Variants in TSGA10 observed in about 807,000 individuals in gnomAD.
TSGA10 encodes testis-specific gene 10 protein.
A neutral mutation model predicts 96.6 loss-of-function variants in TSGA10; 43 were observed. The ratio of observed to expected loss-of-function variants is 0.44; its 90% CI spans 0.35 to 0.57. The LOEUF (loss-of-function observed/expected upper bound fraction) is 0.57, where lower values mean the gene tolerates loss of function less well. Ranked by LOEUF, TSGA10 falls within the 20% of genes least tolerant of loss-of-function variation. TSGA10 has a pLI of 0.01. For synonymous variants in TSGA10, 229 were observed against 269.9 expected, an observed-to-expected ratio of 0.85 and a Z score of 1.48; for missense variants, 703 against 834.4, an observed-to-expected ratio of 0.84 and a Z score of 1.94.
chr2:99,022,685 C>T (rs1200246441), intron 17 of TSGA10, among the ~76,000 whole-genome samples: 2 of 152,102 alleles, frequency 1.3e-5, no homozygotes, highest in Admixed American at 1.3e-4. Flanking sequence ...GACATGTTTT[C>T]ATTCCTCTTG....
Position 99,118,668 on chromosome 2 carries a change from C to G in TSGA10, c.-473G>C, listed in dbSNP as rs950312990. ...GGATGAAGAAAAGGGCCTTTTCTAT[C>G]ACAAAGGTATCCAAATGCCTTTAAA... is the stretch of plus-strand genomic sequence containing the variant. On this transcript the variant is annotated 5_prime_UTR_variant, in exon 3 of 21. Coordinates refer to ENST00000393483, the MANE Select transcript of TSGA10 (RefSeq NM_025244.4). 5 of 984,374 alleles carry G rather than the reference C, an allele frequency of 5.1e-6. No individual in the cohort carries two copies. The African/African-American group carries it at 8.8e-5, about 17-fold the overall frequency. The allele number at this position is 984,374 out of a possible 1,614,324, so 61.0% of individuals were successfully genotyped here. A position where few individuals can be genotyped will look rare whatever the true frequency, so the allele number is the denominator to read the frequency against.
chr2:99,091,349 C>A, intron 10 of TSGA10, among the ~76,000 whole-genome samples: 1 of 152,134 alleles, frequency 6.6e-6, no homozygotes, highest in Non-Finnish European at 1.5e-5. Flanking sequence ...ACCTATAAAA[C>A]AACACAGTAA....
chr2:99,106,613 T>C (rs2091366596), intron 7 of TSGA10, among the ~76,000 whole-genome samples: 1 of 152,076 alleles, frequency 6.6e-6, no homozygotes, highest in Non-Finnish European at 1.5e-5. Flanking sequence ...ATCCATTCTA[T>C]CACCCCAGAA....
chr2:99,123,549 T>G (rs551150093), intron 2 of TSGA10, among the ~76,000 whole-genome samples: 1 of 152,312 alleles, frequency 6.6e-6, no homozygotes, highest in African/African-American at 2.4e-5. Context: ...TATACATAAT[T>G]TTCATTTTAA....
intron 16 of TSGA10, among the ~76,000 whole-genome samples, chr2:99,050,706 A>G (rs1284637902): frequency 6.6e-6 from 1 of 152,148 alleles, no homozygotes; most frequent in Non-Finnish European, 1.5e-5. Context: ...TTTATTAGAT[A>G]ATATACACTT....
intron 16 of TSGA10, among the ~76,000 whole-genome samples, chr2:99,059,878 C>A (rs1384148454): frequency 6.9e-6 from 1 of 145,656 alleles, no homozygotes; most frequent in African/African-American, 2.6e-5. Flanking sequence ...TGCGCCACTG[C>A]ACTCCAGCCT....
chr2:99,065,022 G>C lies in TSGA10; in HGVS notation c.1321C>G (p.Leu441Val). ...ARQSEADNNT[L>V]KLELITAEAE... ...TCAGCAGTGATAAGTTCCAGTTTGA[G>C]GGTATTGTTATCTGCCTCTGATTGA... The change falls in exon 16 of 21, where the codon CTC (leucine) becomes GTC (valine). Residue 441 changes from leucine (L) to valine (V), a missense_variant. Physicochemically the swap from Leu to Val is conservative, Grantham distance 32. This residue lies in a region of TSGA10 where 585 missense variants were observed against 656.8 expected (regional missense o/e 0.89). Transcript: ENST00000393483. 1 of 1,613,848 alleles carries C rather than the reference G, an allele frequency of 6.2e-7. No individual in the cohort carries two copies. Among genetic ancestry groups the C allele is most frequent in the Non-Finnish European group, 8.5e-7 (1 of 1,179,902 alleles).
At chr2:99,032,167 T>A (rs2081195462) in intron 17 of TSGA10, among the ~76,000 whole-genome samples, 1 of 152,132 alleles carries the variant, frequency 6.6e-6, no homozygotes, top group African/African-American at 2.4e-5. Context: ...GCCTGCCCAT[T>A]TTTTTATTTA....
chr2:99,035,244 G>C lies in TSGA10; in HGVS notation c.1600C>G (p.Gln534Glu), dbSNP rs755195469. ...ATATTACATACCATTTCTATTTCTT[G>C]ATCTTTAGCAACCAGCTGTCGATTA... ...LLNRQLVAKD[Q>E]EIEMRENELD... Residue 534 changes from glutamine (Q) to glutamate (E), a missense_variant, in exon 17 of 21, where the codon CAA (glutamine) becomes GAA (glutamate). This residue lies in a region of TSGA10 where 585 missense variants were observed against 656.8 expected (regional missense o/e 0.89). Transcript: ENST00000393483. The C allele has an allele frequency of 1.1e-5, 18 of 1,605,940 alleles. No individual in the cohort carries two copies. In the South Asian group the frequency reaches 2.0e-4, roughly 18 times the overall value.
rs1468033067 is a variant in TSGA10 at position 99,065,103 on chromosome 2, T to C, written c.1240A>G (p.Met414Val). Residue 414 changes from methionine (M) to valine (V), a missense_variant, in exon 16 of 21, where the codon ATG (methionine) becomes GTG (valine). This residue lies in a region of TSGA10 where 585 missense variants were observed against 656.8 expected (regional missense o/e 0.89). Transcript: ENST00000393483. The part of the protein sequence containing the change: ...KSEESENRQM[M>V]EQLRKANEDA... ...TCATTGGCTTTTCGAAGTTGTTCCATCATTTGCCGGTTCTCAGATTCCTGA... is the reference window on the plus strand; with the variant it reads ...TCATTGGCTTTTCGAAGTTGTTCCACCATTTGCCGGTTCTCAGATTCCTGA... 6.2e-7 allele frequency: 1 copy of C among 1,612,254 alleles called. No individual in the cohort carries two copies. Among genetic ancestry groups the C allele is most frequent in the South Asian group, 1.1e-5 (1 of 90,296 alleles).
At chr2:99,123,292 G>A (rs1574553441) in intron 2 of TSGA10, among the ~76,000 whole-genome samples, 1 of 152,092 alleles carries the variant, frequency 6.6e-6, no homozygotes, top group East Asian at 1.9e-4. Context: ...GGGAAATTCA[G>A]CCATTATCTC....
intron 10 of TSGA10, among the ~76,000 whole-genome samples, chr2:99,085,009 T>G (rs980550038): frequency 6.6e-6 from 1 of 151,776 alleles, no homozygotes; most frequent in Non-Finnish European, 1.5e-5. Context: ...CCCAGCACTT[T>G]GGGAGGCCAA....
chr2:99,094,628 T>G (rs1042068560), intron 10 of TSGA10, among the ~76,000 whole-genome samples: 1 of 152,142 alleles, frequency 6.6e-6, no homozygotes, highest in Non-Finnish European at 1.5e-5. Flanking sequence ...GATATACAAA[T>G]GGCCAACAAA....
At chr2:99,042,426 C>T (rs1204888855) in intron 16 of TSGA10, among the ~76,000 whole-genome samples, 6 of 152,150 alleles carry the variant, frequency 3.9e-5, no homozygotes, top group African/African-American at 1.4e-4. Flanking sequence ...CAGCAGGTAG[C>T]ACGGAGAAGG....
At chr2:99,012,684 A>G (rs913963149) in intron 20 of TSGA10, among the ~76,000 whole-genome samples, 7 of 152,344 alleles carry the variant, frequency 4.6e-5, no homozygotes, top group African/African-American at 1.4e-4. Context: ...TTAGAAAACA[A>G]TGACTATTAG....
chr2:99,025,252 T>C (rs2080458150), intron 17 of TSGA10, among the ~76,000 whole-genome samples: 1 of 152,224 alleles, frequency 6.6e-6, no homozygotes, highest in South Asian at 2.1e-4. Flanking sequence ...TGAAGCCATC[T>C]GGGCCTCAGT....
At chr2:99,086,919 TGGGGGCC>T (rs2088497944) in intron 10 of TSGA10, among the ~76,000 whole-genome samples, 2 of 150,830 alleles carry the variant, frequency 1.3e-5, no homozygotes, top group South Asian at 4.2e-4. Context: ...AAAAAAAATT[TGGGGGCC>T]GGGCGCAGTG....
chr2:99,047,478 T>A (rs574432045), intron 16 of TSGA10, among the ~76,000 whole-genome samples: 1 of 152,098 alleles, frequency 6.6e-6, no homozygotes, highest in Non-Finnish European at 1.5e-5. Context: ...AAAAACCACA[T>A]GATTATCTCA....
rs2085117239 is a variant in TSGA10 at position 99,065,101 on chromosome 2, C to A, written c.1242G>T (p.Met414Ile). The A allele has an allele frequency of 6.2e-7, 1 of 1,611,840 alleles. No homozygotes were observed. The highest frequency in any genetic ancestry group is 1.3e-5 in the African/African-American group (1 of 74,738). ...CTTCATTGGCTTTTCGAAGTTGTTCCATCATTTGCCGGTTCTCAGATTCCT... is the reference window on the plus strand; with the variant it reads ...CTTCATTGGCTTTTCGAAGTTGTTCAATCATTTGCCGGTTCTCAGATTCCT... ...KSEESENRQM[M>I]EQLRKANEDA... The change falls in exon 16 of 21, where the codon ATG becomes ATT. Residue 414 changes from methionine to isoleucine, a missense_variant. Physicochemically the swap from Met to Ile is conservative, Grantham distance 10. Around this residue, in one of 3 missense-constraint regions of TSGA10, gnomAD observed 585 missense variants for 656.8 expected, o/e 0.89. Transcript: ENST00000393483.
Sources: gnomAD v4.1 joint callset for allele counts (sites outside exome capture counted in the v4.1 genomes callset) on GRCh38, gnomAD v4.1.1 for gene constraint, gnomAD v4.1.1 regional missense constraint, MANE v1.5 for transcripts, NCBI Gene and HGNC (gene_info 2026-07-23, HGNC 2026-07-21) for gene names.